Variants in ZBTB7C observed in about 807,000 individuals in gnomAD.
ZBTB7C encodes the protein zinc finger and BTB domain-containing protein 7C.
Under a neutral mutation model 25.7 loss-of-function variants are expected in ZBTB7C, and 8 were observed. That is an observed-to-expected ratio of 0.31 (90% CI 0.18 to 0.56). The LOEUF is 0.56. Ranked by LOEUF, ZBTB7C falls within the 20% of genes least tolerant of loss-of-function variation. The probability of loss-of-function intolerance (pLI) is 0.91; values close to 1 mark genes in which losing one functional copy is unlikely to be tolerated. For synonymous variants in ZBTB7C, 394 were observed against 369.0 expected (o/e 1.07, Z -0.78); for missense variants, 824 against 855.2 (o/e 0.96, Z 0.46).
At chr18:48,367,206 C>A (rs74504029) in intron 1 of ZBTB7C, among the ~76,000 whole-genome samples, 11 of 51,316 alleles carry the variant, frequency 2.1e-4, no homozygotes, top group African/African-American at 9.9e-4. Flanking sequence ...TATATATACA[C>A]ACACACACAC....
chr18:48,386,344 G>C (rs1243563719), intron 1 of ZBTB7C, among the ~76,000 whole-genome samples: 2 of 152,186 alleles, frequency 1.3e-5, no homozygotes, highest in African/African-American at 4.8e-5. Flanking sequence ...CGTCCACAGG[G>C]GAAGAACATG....
intron 3 of ZBTB7C, among the ~76,000 whole-genome samples, chr18:48,048,308 C>T (rs2036552799): frequency 6.6e-6 from 1 of 152,202 alleles, no homozygotes; most frequent in South Asian, 2.1e-4. Flanking sequence ...ACATGCTCTA[C>T]ATCATTTGAA....
In ZBTB7C at chr18:48,190,575, C is replaced by T. The variant is rs191752333; in HGVS notation, c.-78-4580G>A. Among the ~76,000 whole-genome samples, 622 of 152,286 alleles carry T rather than the reference C, an allele frequency of 4.1e-3. 5 individuals carry two copies. The highest frequency in any genetic ancestry group is 4.7e-3 in the Non-Finnish European group (317 of 68,024). The stretch of plus-strand genomic sequence containing the variant: ...GCCCTTTGCAACTCTACCTATATGA[C>T]TTGTGAGTTTAGTATGAAATTTAGC... On this transcript the variant is annotated intron_variant, in intron 2 of 4. Transcript: ENST00000590800.
chr18:48,291,553 G>A (rs563427191), intron 2 of ZBTB7C, among the ~76,000 whole-genome samples: 30 of 152,212 alleles, frequency 2.0e-4, no homozygotes, highest in Admixed American at 1.1e-3. Context: ...GTATCCACCG[G>A]GACAGGCAGC....
At chr18:48,308,296 C>T (rs1258830983) in intron 2 of ZBTB7C, among the ~76,000 whole-genome samples, 1 of 152,236 alleles carries the variant, frequency 6.6e-6, no homozygotes, top group Non-Finnish European at 1.5e-5. Context: ...GTTAGGCCAG[C>T]TCCTTAGCTC....
At chr18:48,278,434 C>CT (rs562058274) in intron 2 of ZBTB7C, among the ~76,000 whole-genome samples, 3 of 150,460 alleles carry the variant, frequency 2.0e-5, no homozygotes, top group African/African-American at 4.9e-5. Flanking sequence ...TCCCCAAATT[C>CT]TTTTTTTTCT....
chr18:48,091,263 T>TTTTTTTTTA (rs2038405332), intron 3 of ZBTB7C, among the ~76,000 whole-genome samples: 1 of 128,626 alleles, frequency 7.8e-6, no homozygotes, highest in Non-Finnish European at 1.7e-5. Flanking sequence ...TTTTTTTTTT[T>TTTTTTTTTA]GGAGAGACAG....
At chr18:48,223,741 T>C (rs995770000) in intron 2 of ZBTB7C, among the ~76,000 whole-genome samples, 1 of 152,206 alleles carries the variant, frequency 6.6e-6, no homozygotes, top group African/African-American at 2.4e-5. Context: ...TGATGTTCTG[T>C]ATGTATGAAA....
intron 3 of ZBTB7C, among the ~76,000 whole-genome samples, chr18:48,139,820 G>T (rs540583139): frequency 2.6e-5 from 4 of 152,224 alleles, no homozygotes; most frequent in South Asian, 4.2e-4. Flanking sequence ...ACCCACAGAA[G>T]GGGCTCTGGA....
At chr18:48,185,038 T>C (rs1412132236) in intron 3 of ZBTB7C, among the ~76,000 whole-genome samples, 2 of 152,112 alleles carry the variant, frequency 1.3e-5, no homozygotes, top group African/African-American at 4.8e-5. Flanking sequence ...GAAGAATCCT[T>C]TATTCCATCC....
At chr18:48,152,557 T>A (rs1272763229) in intron 3 of ZBTB7C, among the ~76,000 whole-genome samples, 1 of 152,246 alleles carries the variant, frequency 6.6e-6, no homozygotes, top group African/African-American at 2.4e-5. Context: ...TCATTATTCA[T>A]GCCACCTACA....
At chr18:48,192,048 G>A (rs2042210857) in intron 2 of ZBTB7C, among the ~76,000 whole-genome samples, 1 of 152,216 alleles carries the variant, frequency 6.6e-6, no homozygotes, top group African/African-American at 2.4e-5. Context: ...CAACTAGGCT[G>A]TCCTTCAGTA....
chr18:48,132,800 A>G (rs1331919095), intron 3 of ZBTB7C, among the ~76,000 whole-genome samples: 1 of 152,212 alleles, frequency 6.6e-6, no homozygotes, highest in Non-Finnish European at 1.5e-5. Context: ...TGTTGTCTCC[A>G]GAAACAATTT....
At chr18:48,293,158 G>A (rs1051200489) in intron 2 of ZBTB7C, among the ~76,000 whole-genome samples, 2 of 152,222 alleles carry the variant, frequency 1.3e-5, no homozygotes, top group African/African-American at 4.8e-5. Context: ...AGACTGGGTG[G>A]CTTCAAAACT....
intron 1 of ZBTB7C, among the ~76,000 whole-genome samples, chr18:48,368,872 G>A (rs2047318123): frequency 6.6e-6 from 1 of 151,966 alleles, no homozygotes; most frequent in Non-Finnish European, 1.5e-5. Flanking sequence ...TGAGATAAAG[G>A]AAAACTAAGA....
At chr18:48,235,592 T>G (rs761693704) in intron 2 of ZBTB7C, among the ~76,000 whole-genome samples, 1 of 152,238 alleles carries the variant, frequency 6.6e-6, no homozygotes, top group Non-Finnish European at 1.5e-5. Flanking sequence ...ATCCTCCTTC[T>G]GCGACAAGTT....
At chr18:48,175,157 C>T (rs533133050) in intron 3 of ZBTB7C, among the ~76,000 whole-genome samples, 69 of 152,046 alleles carry the variant, frequency 4.5e-4, no homozygotes, top group Middle Eastern at 3.4e-3. Context: ...AAAAAGGAAC[C>T]TAACTGTAGT....
intron 2 of ZBTB7C, among the ~76,000 whole-genome samples, chr18:48,208,232 C>A (rs2042625032): frequency 6.6e-6 from 1 of 152,194 alleles, no homozygotes; most frequent in Non-Finnish European, 1.5e-5. Flanking sequence ...AAAAAGGAAT[C>A]TTTACCAGCA....
intron 2 of ZBTB7C, among the ~76,000 whole-genome samples, chr18:48,279,834 A>G (rs1364286054): frequency 6.6e-6 from 1 of 152,246 alleles, no homozygotes; most frequent in Non-Finnish European, 1.5e-5. Context: ...TTGCCTTGAC[A>G]TCTTCATCTG....
Sources: allele counts gnomAD v4.1 joint callset (sites outside exome capture counted in the v4.1 genomes callset), GRCh38; gene constraint gnomAD v4.1.1; transcripts MANE v1.5; gene names NCBI Gene and HGNC (gene_info 2026-07-23, HGNC 2026-07-21).